The following SLC5A8 variants were observed in gnomAD, a reference collection of about 807,000 sequenced individuals.
SLC5A8 encodes the protein solute carrier family 5 member 8, also known as sodium-coupled monocarboxylate transporter 1.
Under a neutral mutation model 71.9 loss-of-function variants are expected in SLC5A8, and 55 were observed. That is an observed-to-expected ratio of 0.77 (90% CI 0.62 to 0.96). The LOEUF is 0.96. Among genes scored for constraint, SLC5A8 ranks in the 40% least tolerant of loss-of-function variants. SLC5A8 has a pLI of 0.00. For synonymous variants in SLC5A8, 307 were observed against 276.1 expected (o/e 1.11, Z -1.11); for missense variants, 701 against 745.3 (o/e 0.94, Z 0.69).
chr12:101,168,629 G>A (rs1041594396), intron 10 of SLC5A8, among the ~76,000 whole-genome samples: 1 of 152,184 alleles, frequency 6.6e-6, no homozygotes, highest in Non-Finnish European at 1.5e-5. Flanking sequence ...TTCCTGATTT[G>A]ATTCCCTAAG....
chr12:101,201,791 C>A (rs17410881), intron 3 of SLC5A8, among the ~76,000 whole-genome samples: 2 of 152,048 alleles, frequency 1.3e-5, no homozygotes, highest in South Asian at 4.1e-4. Context: ...TTACAACAGG[C>A]CTGAGCAGAA....
At chr12:101,189,789 A>AG (rs1293671495) in intron 6 of SLC5A8, among the ~76,000 whole-genome samples, 1 of 152,214 alleles carries the variant, frequency 6.6e-6, no homozygotes, top group Admixed American at 6.5e-5. Flanking sequence ...CCAGTTCAAT[A>AG]GGAATCTCTC....
In SLC5A8 at chr12:101,174,033, G is replaced by A. The variant is rs564860957; in HGVS notation, c.1234-5851C>T. Among the ~76,000 whole-genome samples the A allele has an allele frequency of 3.3e-5, 5 of 152,304 alleles. No individual in the cohort carries two copies. In the East Asian group the frequency reaches 9.7e-4, roughly 29 times the overall value. ...ATTTCACAACAGAGGCACAGACAAA[G>A]TATGTAGAAGGCAGCAACAGGCCAC... On this transcript the variant is annotated intron_variant, in intron 10 of 14. Transcript: ENST00000536262.
intron 14 of SLC5A8, 49 bp downstream of exon 14, chr12:101,158,198 CAG>C: frequency 8.0e-7 from 1 of 1,247,304 alleles, no homozygotes; most frequent in South Asian, 1.2e-5. Context: ...GTGTTCTATC[CAG>C]GTAATAAAGC....
At chr12:101,164,048 G>A (rs531369575) in intron 12 of SLC5A8, among the ~76,000 whole-genome samples, 6 of 152,240 alleles carry the variant, frequency 3.9e-5, no homozygotes, top group Non-Finnish European at 5.9e-5. Context: ...TATGATTGCA[G>A]GGTAGACAAG....
chr12:101,177,862 A>T (rs1489222943), intron 10 of SLC5A8, among the ~76,000 whole-genome samples: 1 of 152,190 alleles, frequency 6.6e-6, no homozygotes, highest in Non-Finnish European at 1.5e-5. Flanking sequence ...TCTATTCAAC[A>T]TGATATGGAA....
chr12:101,168,242 A>T, intron 10 of SLC5A8, 60 bp from the exon 11 acceptor site: 1 of 1,468,900 alleles, frequency 6.8e-7, no homozygotes, highest in Non-Finnish European at 9.3e-7. Flanking sequence ...AAATATTTCA[A>T]AGTCATTTCA....
intron 1 of SLC5A8, among the ~76,000 whole-genome samples, chr12:101,208,450 G>A (rs992793329): frequency 1.3e-5 from 2 of 152,150 alleles, no homozygotes; most frequent in Admixed American, 6.5e-5. Flanking sequence ...CTTGTCCCAT[G>A]TAGCTCAAGG....
In SLC5A8 at chr12:101,210,170, G is replaced by A. The variant is rs558450925; in HGVS notation, c.-322C>T. On this transcript the variant is annotated 5_prime_UTR_variant, in exon 1 of 15. Transcript: ENST00000536262. ...CCAAGGCGCCGGGGACACCTGAGCA[G>A]ATGAGAACTGGAGCCTCCAGCTGCT... The A allele has an allele frequency of 4.7e-5, 16 of 343,134 alleles. No individual in the cohort carries two copies. In the East Asian group the frequency reaches 7.8e-4, roughly 17 times the overall value. 21.3% of individuals were successfully genotyped at this position (343,134 alleles called of 1,614,324 possible). A position where few individuals can be genotyped will look rare whatever the true frequency, so the allele number is the denominator to read the frequency against.
chr12:101,209,996 G>A lies in SLC5A8; in HGVS notation c.-148C>T. On this transcript the variant is annotated 5_prime_UTR_variant, in exon 1 of 15. Coordinates refer to ENST00000536262, the MANE Select transcript of SLC5A8 (RefSeq NM_145913.5). ...AGGCGTCCTCCAGGTGTCGGCCTCC[G>A]AACGCACCCCGAGGCGGGGTGAGGG... 1 of 659,498 alleles carries A rather than the reference G, an allele frequency of 1.5e-6. No individual in the cohort carries two copies. The highest frequency in any genetic ancestry group is 2.4e-6 in the Non-Finnish European group (1 of 422,516). 40.9% of individuals were successfully genotyped at this position (659,498 alleles called of 1,614,324 possible).
intron 10 of SLC5A8, among the ~76,000 whole-genome samples, chr12:101,178,477 T>A (rs917975747): frequency 6.6e-6 from 1 of 152,026 alleles, no homozygotes; most frequent in Non-Finnish European, 1.5e-5. Context: ...GACACATAAA[T>A]AAATGAAAGA....
At chr12:101,209,477 C>T in intron 1 of SLC5A8, 21 bp downstream of exon 1, 2 of 1,415,068 alleles carry the variant, frequency 1.4e-6, no homozygotes, top group Non-Finnish European at 2.0e-6. Context: ...CTGCATGGTC[C>T]CAGCCCACCC....
At chr12:101,203,391 A>G (rs1869540775) in intron 2 of SLC5A8, among the ~76,000 whole-genome samples, 1 of 151,928 alleles carries the variant, frequency 6.6e-6, no homozygotes, top group Admixed American at 6.6e-5. Flanking sequence ...CCTGTCACCC[A>G]GGCTGGGGTG....
intron 3 of SLC5A8, among the ~76,000 whole-genome samples, chr12:101,195,538 G>T (rs1348050094): frequency 6.6e-6 from 1 of 152,128 alleles, no homozygotes; most frequent in Non-Finnish European, 1.5e-5. Context: ...ACCTGAATTT[G>T]AGGATAATGT....
rs377445681 is a variant in SLC5A8, at chr12:101,187,451, C to T, written c.898G>A (p.Ala300Thr). ...CAGTCATGGTACCTGGAATATAGGG[C>T]GAGCCCACAAAACACTGAGCATGTG... is the stretch of plus-strand genomic sequence containing the variant. Reference protein sequence around the residue: ...ILTCSVFCGLALYSRYHDCDP... With the variant: ...ILTCSVFCGLTLYSRYHDCDP... Residue 300 changes from alanine to threonine, a missense_variant, in exon 7 of 15, where the codon GCC (alanine) becomes ACC (threonine). Ala to Thr is a moderately conservative substitution (Grantham distance 58). Coordinates refer to ENST00000536262, the MANE Select transcript of SLC5A8 (RefSeq NM_145913.5). 15 of 1,613,696 alleles carry T rather than the reference C, an allele frequency of 9.3e-6. No individual in the cohort carries two copies. Among genetic ancestry groups the T allele is most frequent in the East Asian group, 4.5e-5 (2 of 44,878 alleles).
Position 101,200,055 on chromosome 12 carries a change from G to T in SLC5A8, c.469+2109C>A, listed in dbSNP as rs350464. On this transcript the variant is annotated intron_variant, in intron 3 of 14. Transcript: ENST00000536262. ...AAAAAAAAAAAAAAAAAAAAAAAAA[G>T]GGAATGAACTACTGATATATATGTA... Among the ~76,000 whole-genome samples the T allele has an allele frequency of 2.5e-4, 7 of 27,542 alleles. No homozygotes were observed. In the East Asian group the frequency reaches 8.5e-3, roughly 33 times the overall value. The allele number at this position is 27,542 out of a possible 152,430, so 18.1% of individuals were successfully genotyped here. A position where few individuals can be genotyped will look rare whatever the true frequency, so the allele number is the denominator to read the frequency against.
chr12:101,208,019 C>G (rs1869744918), intron 1 of SLC5A8, among the ~76,000 whole-genome samples: 1 of 151,954 alleles, frequency 6.6e-6, no homozygotes, highest in African/African-American at 2.4e-5. Flanking sequence ...AGCATGGGCC[C>G]AGTGTTACCA....
Position 101,184,159 on chromosome 12 carries a change from C to A in SLC5A8, c.1027G>T (p.Ala343Ser). Residue 343 changes from alanine (A) to serine (S), a missense_variant, in exon 8 of 15, where the codon GCC becomes TCC. Ala to Ser is a moderately conservative substitution (Grantham distance 99). Transcript: ENST00000536262. Reference sequence around the variant, plus strand: ...CTTAATGTCCCACTGTAAGCACAGGCCACAAAAAGTCCAGGAAGTCCTGGA... The same window carrying A: ...CTTAATGTCCCACTGTAAGCACAGGACACAAAAAGTCCAGGAAGTCCTGGA... ...DYPGLPGLFV[A>S]CAYSGTLSTV... 6.2e-7 allele frequency: 1 copy of A among 1,614,116 alleles called. No individual in the cohort carries two copies. Among genetic ancestry groups the A allele is most frequent in the Non-Finnish European group, 8.5e-7 (1 of 1,179,988 alleles).
chr12:101,178,000 C>T (rs965217505), intron 10 of SLC5A8, among the ~76,000 whole-genome samples: 7 of 152,104 alleles, frequency 4.6e-5, no homozygotes, highest in Non-Finnish European at 8.8e-5. Context: ...ACAAAACAAA[C>T]TAAACCATAA....
Sources: gnomAD v4.1 joint callset for allele counts (sites outside exome capture counted in the v4.1 genomes callset) on GRCh38, gnomAD v4.1.1 for gene constraint, MANE v1.5 for transcripts, NCBI Gene and HGNC (gene_info 2026-07-23, HGNC 2026-07-21) for gene names.